ABLIM2: variants seen among roughly 807,000 people sequenced by gnomAD.
The protein encoded by ABLIM2 is actin-binding LIM protein 2.
ABLIM2 carries 53 observed loss-of-function variants against 97.7 expected under a neutral mutation model. That is an observed-to-expected ratio of 0.54 (90% confidence interval 0.44 to 0.68). The LOEUF is 0.68. Among genes scored for constraint, ABLIM2 ranks in the 30% least tolerant of loss-of-function variants. The probability of loss-of-function intolerance (pLI) is 0.00; values close to 1 mark genes in which losing one functional copy is unlikely to be tolerated. For synonymous variants in ABLIM2, 361 were observed against 345.8 expected, an observed-to-expected ratio of 1.04 and a Z score of -0.49; for missense variants, 835 against 867.2, an observed-to-expected ratio of 0.96 and a Z score of 0.47.
At chr4:8,011,861 T>C (rs2150535199) in intron 14 of ABLIM2, among the ~76,000 whole-genome samples, 1 of 152,300 alleles carries the variant, frequency 6.6e-6, no homozygotes, top group African/African-American at 2.4e-5. Context: ...TCAAATTTTT[T>C]TTTCTGGATA....
At chr4:8,133,918 C>A (rs1849793176) in intron 1 of ABLIM2, among the ~76,000 whole-genome samples, 1 of 152,172 alleles carries the variant, frequency 6.6e-6, no homozygotes, top group African/African-American at 2.4e-5. Flanking sequence ...GGGGGAGCAC[C>A]TGTCAGGCAC....
chr4:8,060,071 G>A (rs1468596942), intron 7 of ABLIM2, among the ~76,000 whole-genome samples: 5 of 152,108 alleles, frequency 3.3e-5, no homozygotes, highest in Non-Finnish European at 5.9e-5. Flanking sequence ...AATCTGTCTT[G>A]TTACAGGGAT....
rs1561609049 is a variant in ABLIM2, at chr4:8,132,459, T to A, written c.11-25822A>T. ...TTAGGTTTAGAGGGATCTGAGACCA[T>A]CCAGTCCCTGGAGAAGGACGCCCAG... On this transcript the variant is annotated intron_variant, in intron 1 of 20. Transcript: ENST00000447017. The surrounding 1 kb of genome is among the most constrained non-coding windows in gnomAD (Gnocchi z 8.0). Among the ~76,000 whole-genome samples, 2 of 152,108 alleles carry A rather than the reference T, an allele frequency of 1.3e-5. No homozygotes were observed. Among genetic ancestry groups the A allele is most frequent in the Non-Finnish European group, 2.9e-5 (2 of 68,016 alleles).
At chr4:8,110,501 C>T (rs1288619869) in intron 1 of ABLIM2, among the ~76,000 whole-genome samples, 1 of 152,100 alleles carries the variant, frequency 6.6e-6, no homozygotes, top group African/African-American at 2.4e-5. Flanking sequence ...TGTTACCTGG[C>T]CCCAAGGATG....
chr4:8,107,198 G>T (rs759783029), intron 1 of ABLIM2, among the ~76,000 whole-genome samples: 14 of 152,252 alleles, frequency 9.2e-5, no homozygotes, highest in Non-Finnish European at 2.1e-4. Flanking sequence ...CTCCCTTAAA[G>T]CCACCACAGT....
rs1461820847 is a variant in ABLIM2, at chr4:8,075,662, A to T, written c.675+1966T>A. Among the ~76,000 whole-genome samples the T allele has an allele frequency of 6.6e-6, 1 of 152,208 alleles. No individual in the cohort carries two copies. The highest frequency in any genetic ancestry group is 1.5e-5 in the Non-Finnish European group (1 of 68,042). Reference sequence around the variant, plus strand: ...AGCTGTGATGACACCACCGCACTCCAGCCTGGGCAACTGAGTGAGAACCTC... The same window carrying T: ...AGCTGTGATGACACCACCGCACTCCTGCCTGGGCAACTGAGTGAGAACCTC... On this transcript the variant is annotated intron_variant, in intron 6 of 20. Coordinates refer to ENST00000447017, the MANE Select transcript of ABLIM2 (RefSeq NM_001130083.2). The surrounding 1 kb of genome is among the most constrained non-coding windows in gnomAD (Gnocchi z 4.4).
At chr4:8,052,976 C>T (rs952127707) in intron 8 of ABLIM2, among the ~76,000 whole-genome samples, 6 of 152,240 alleles carry the variant, frequency 3.9e-5, no homozygotes, top group African/African-American at 4.8e-5. Flanking sequence ...GAGGACATGG[C>T]CTGGCCTGTG....
At chr4:8,107,220 A>C (rs572345074) in intron 1 of ABLIM2, among the ~76,000 whole-genome samples, 1 of 152,358 alleles carries the variant, frequency 6.6e-6, no homozygotes, top group Admixed American at 6.5e-5. Flanking sequence ...CAGGACATTT[A>C]AGGAGTGGAT....
At chr4:7,976,371 G>GC (rs1483640477) in intron 20 of ABLIM2, among the ~76,000 whole-genome samples, 1 of 152,116 alleles carries the variant, frequency 6.6e-6, no homozygotes, top group Non-Finnish European at 1.5e-5. Context: ...GACCCAAATG[G>GC]CCCTGAAACA....
intron 3 of ABLIM2, among the ~76,000 whole-genome samples, chr4:8,090,289 C>A (rs1336350081): frequency 2.6e-5 from 4 of 152,176 alleles, no homozygotes; most frequent in Admixed American, 2.6e-4. Context: ...GTGCTTGGAG[C>A]GAATCTCTGG....
At chr4:8,047,504 G>A (rs1469219662) in intron 8 of ABLIM2, among the ~76,000 whole-genome samples, 1 of 152,108 alleles carries the variant, frequency 6.6e-6, no homozygotes, top group East Asian at 1.9e-4. Context: ...CTGCCTCCTG[G>A]GACCACGGAT....
chr4:8,038,371 G>T (rs1268238464), intron 9 of ABLIM2, among the ~76,000 whole-genome samples: 1 of 152,140 alleles, frequency 6.6e-6, no homozygotes, highest in African/African-American at 2.4e-5. Flanking sequence ...TGCCTCTCAG[G>T]CCCAGATGCA....
rs6845005 is a variant in ABLIM2 at position 8,104,679 on chromosome 4, G to A, written c.154+1815C>T. 3.9e-3 allele frequency among the ~76,000 whole-genome samples: 595 copies of A among 152,280 alleles called. 6 individuals carry two copies. Among genetic ancestry groups the A allele is most frequent in the African/African-American group, 0.013 (543 of 41,546 alleles). ...GGGTCCCAGGGCCAGTGGAGAGCTG[G>A]CTGAGCTCAGCGTCTTCCCTAAGTC... On this transcript the variant is annotated intron_variant, in intron 2 of 20. Coordinates refer to ENST00000447017, the MANE Select transcript of ABLIM2 (RefSeq NM_001130083.2).
chr4:8,139,026 G>A (rs767801041), intron 1 of ABLIM2, among the ~76,000 whole-genome samples: 18 of 152,190 alleles, frequency 1.2e-4, no homozygotes, highest in Non-Finnish European at 2.2e-4. Context: ...GCGAAACGCC[G>A]TCTCTAATAA....
rs1312928132 is a variant in ABLIM2 at position 8,091,361 on chromosome 4, AT to A, written c.339-3078del. Reference sequence around the variant, plus strand: ...ATATAATATATATATAATTATATATATATTATATTACATATAATTATATTAT... The same window carrying A: ...ATATAATATATATATAATTATATATAATTATATTACATATAATTATATTAT... On this transcript the variant is annotated intron_variant, in intron 3 of 20. Transcript: ENST00000447017. Among the ~76,000 whole-genome samples the A allele has an allele frequency of 3.6e-3, 174 of 47,858 alleles. 1 individual carries two copies. The highest frequency in any genetic ancestry group is 9.6e-3 in the Middle Eastern group (1 of 104). The allele number at this position is 47,858 out of a possible 152,430, so 31.4% of individuals were successfully genotyped here.
chr4:8,053,815 C>T (rs140385863), intron 8 of ABLIM2, among the ~76,000 whole-genome samples: 3 of 152,120 alleles, frequency 2.0e-5, no homozygotes, highest in Non-Finnish European at 1.5e-5. Context: ...GCCCCTTTTT[C>T]CTCTTTGTTC....
Position 8,072,272 on chromosome 4 carries a change from G to A in ABLIM2, c.675+5356C>T, listed in dbSNP as rs1259494293. On this transcript the variant is annotated intron_variant, in intron 6 of 20. Transcript: ENST00000447017. This position sits in a 1 kb window ranked among gnomAD's most constrained non-coding sequence, Gnocchi z 5.8. ...GTATTTGGCATTAAATATCAGGGAT[G>A]CTTACATTGCAGACATGGGACGCTT... Among the ~76,000 whole-genome samples the A allele has an allele frequency of 4.6e-5, 7 of 152,224 alleles. No individual in the cohort carries two copies. The highest frequency in any genetic ancestry group is 2.9e-5 in the Non-Finnish European group (2 of 68,040).
At chr4:8,047,644 C>A (rs901430750) in intron 8 of ABLIM2, among the ~76,000 whole-genome samples, 3 of 152,204 alleles carry the variant, frequency 2.0e-5, no homozygotes, top group African/African-American at 7.2e-5. Flanking sequence ...TGTTCCTGGG[C>A]CAGGTCGAAT....
chr4:8,007,470 T>C (rs1762197839), intron 16 of ABLIM2: 2 of 985,434 alleles, frequency 2.0e-6, no homozygotes, highest in Non-Finnish European at 2.4e-6. Flanking sequence ...CACTTGCTAC[T>C]GGTTTTCACC....
Sources: allele counts gnomAD v4.1 joint callset (sites outside exome capture counted in the v4.1 genomes callset), GRCh38; gene constraint gnomAD v4.1.1; non-coding constraint Gnocchi (gnomAD v3.1); transcripts MANE v1.5; gene names NCBI Gene and HGNC (gene_info 2026-07-23, HGNC 2026-07-21).